The following PARVB variants were observed in gnomAD, a reference collection of about 807,000 sequenced individuals.
PARVB encodes beta-parvin.
A neutral mutation model predicts 47.0 loss-of-function variants in PARVB; 46 were observed. That is an observed-to-expected ratio of 0.98 (90% CI 0.77 to 1.25). PARVB has a LOEUF of 1.25. PARVB is among the 50% of genes most tolerant of loss of function. The pLI, the probability that PARVB is intolerant of heterozygous loss-of-function variation, is 0.00. For synonymous variants in PARVB, 196 were observed against 196.3 expected (o/e 1.00, Z 0.01); for missense variants, 473 against 471.6 (o/e 1.00, Z -0.03).
At chr22:44,117,779 G>A (rs763431093) in intron 3 of PARVB, among the ~76,000 whole-genome samples, 28 of 152,074 alleles carry the variant, frequency 1.8e-4, no homozygotes, top group Non-Finnish European at 3.4e-4. Context: ...GTTCATCTCT[G>A]AGAGGGGCCA....
At chr22:44,149,998 T>C (rs1474263541) in intron 9 of PARVB, 1 of 151,514 alleles carries the variant, frequency 6.6e-6, no homozygotes, top group Non-Finnish European at 1.5e-5. Flanking sequence ...TACTAAAAAA[T>C]ACAAAAAAAT....
chr22:44,017,095 G>A lies in PARVB; in HGVS notation c.211+17422G>A, dbSNP rs564967076. Among the ~76,000 whole-genome samples, 6 of 152,052 alleles carry A rather than the reference G, an allele frequency of 3.9e-5. No individual in the cohort carries two copies. The East Asian group carries it at 9.7e-4, about 25-fold the overall frequency. On this transcript the variant is annotated intron_variant, in intron 2 of 13. Coordinates refer to the PARVB transcript ENST00000406477. ...TCGCCCTGTTGGCCAGGCTGGTCTCGAACTCCTGACCTCTGGTGATCTGCC... is the reference window on the plus strand; with the variant it reads ...TCGCCCTGTTGGCCAGGCTGGTCTCAAACTCCTGACCTCTGGTGATCTGCC...
intron 1 of PARVB, among the ~76,000 whole-genome samples, chr22:44,046,041 T>C (rs897940418): frequency 1.3e-4 from 20 of 152,270 alleles, no homozygotes; most frequent in African/African-American, 4.1e-4. Context: ...TGCCAGTCCA[T>C]GAACATAGGA....
At chr22:44,055,676 CT>C (rs2051295481) in intron 1 of PARVB, among the ~76,000 whole-genome samples, 2 of 137,742 alleles carry the variant, frequency 1.5e-5, no homozygotes, top group South Asian at 4.6e-4. Flanking sequence ...CTCTCTCTCT[CT>C]CTATATATAT....
chr22:44,099,713 C>T (rs1350441227), intron 2 of PARVB, among the ~76,000 whole-genome samples: 3 of 152,214 alleles, frequency 2.0e-5, no homozygotes, highest in Non-Finnish European at 4.4e-5. Flanking sequence ...AGCTTTCCCA[C>T]ATACCAGATT....
chr22:44,140,682 T>G (rs1601668735), intron 8 of PARVB: 2 of 484,548 alleles, frequency 4.1e-6, no homozygotes, highest in South Asian at 3.0e-5. Context: ...GAAATGGGAG[T>G]GTAAAAGGCT....
At chr22:44,013,510 C>T (rs999467394) in intron 2 of PARVB, among the ~76,000 whole-genome samples, 4 of 152,232 alleles carry the variant, frequency 2.6e-5, no homozygotes, top group African/African-American at 9.6e-5. Flanking sequence ...CCGGCGAAGC[C>T]ACTATCAACA....
At chr22:44,136,662 T>A in intron 7 of PARVB, 144 bp downstream of exon 7, 1 of 696,068 alleles carries the variant, frequency 1.4e-6, no homozygotes, top group Non-Finnish European at 2.6e-6. Flanking sequence ...ATTCTCATGC[T>A]GGTTCCCACC....
In PARVB at chr22:44,125,401, C is replaced by A. The variant is rs1263921702; in HGVS notation, c.377-6086C>A. Among the ~76,000 whole-genome samples, 1 of 152,030 alleles carries A rather than the reference C, an allele frequency of 6.6e-6. No individual in the cohort carries two copies. ...TGGGGTGGAGTGGTTCAACCTGAAA[C>A]CTAGATGATGTTTTAAAGGAATGAC... On this transcript the variant is annotated intron_variant, in intron 4 of 12. Coordinates refer to ENST00000338758, the MANE Select transcript of PARVB (RefSeq NM_013327.5). This position sits in a 1 kb window ranked among gnomAD's most constrained non-coding sequence, Gnocchi z 4.1.
chr22:44,131,649 G>A (rs2053325073), intron 5 of PARVB, 22 bp downstream of exon 5: 1 of 1,596,574 alleles, frequency 6.3e-7, no homozygotes, highest in Middle Eastern at 1.9e-4. Flanking sequence ...GCCACAGGGG[G>A]AGGGACTGTC....
intron 3 of PARVB, among the ~76,000 whole-genome samples, chr22:44,102,100 G>A (rs2147072060): frequency 6.6e-6 from 1 of 152,330 alleles, no homozygotes; most frequent in African/African-American, 2.4e-5. Context: ...AAGCTGGAGG[G>A]CCAGTGGTAG....
At chr22:44,116,892 C>A (rs946480607) in intron 3 of PARVB, among the ~76,000 whole-genome samples, 1 of 151,934 alleles carries the variant, frequency 6.6e-6, no homozygotes, top group Non-Finnish European at 1.5e-5. Context: ...TTTGAAGAAC[C>A]CCAGCGAGGA....
At position 44,133,001 on chromosome 22, in the gene PARVB, G is replaced by C. The variant is rs1344752380; in HGVS notation, c.625G>C (p.Val209Leu). ...TGAGCATGTAACGGTGCAGGTGGTG[G>C]TCGTGCGGGTGAGTATAACCGAGTG... is the stretch of plus-strand genomic sequence containing the variant. The part of the protein sequence containing the change: ...LPEHVTVQVV[V>L]VRKREGLLHS... Residue 209 changes from valine to leucine, a missense_variant, in exon 6 of 13, where the codon GTC (valine) becomes CTC (leucine). Physicochemically the swap from Val to Leu is conservative, Grantham distance 32 (BLOSUM62 1). Transcript: ENST00000338758. The C allele has an allele frequency of 1.9e-6, 3 of 1,612,560 alleles. No individual in the cohort carries two copies. Among genetic ancestry groups the C allele is most frequent in the Non-Finnish European group, 2.5e-6 (3 of 1,178,960 alleles).
At chr22:44,014,191 G>A (rs755810249) in intron 2 of PARVB, among the ~76,000 whole-genome samples, 5 of 152,258 alleles carry the variant, frequency 3.3e-5, no homozygotes, top group Non-Finnish European at 5.9e-5. Context: ...ACTGGACTCA[G>A]GTCCCTCTTT....
chr22:44,096,129 T>G (rs62226439), intron 2 of PARVB, among the ~76,000 whole-genome samples: 15,800 of 152,080 alleles, frequency 0.1, 859 homozygotes, highest in Middle Eastern at 0.18. Flanking sequence ...GGAGGCTAAG[T>G]CAGGAGAATC....
intron 1 of PARVB, among the ~76,000 whole-genome samples, chr22:44,083,614 C>T (rs561984796): frequency 6.6e-6 from 1 of 152,146 alleles, no homozygotes; most frequent in East Asian, 1.9e-4. Context: ...AAGGGCATTG[C>T]AGGTTGTGGG....
At chr22:44,060,198 C>A (rs2051393738) in intron 1 of PARVB, among the ~76,000 whole-genome samples, 1 of 152,020 alleles carries the variant, frequency 6.6e-6, no homozygotes, top group Admixed American at 6.6e-5. Context: ...CACCTGTAAT[C>A]CCAGCTACTT....
chr22:44,023,984 G>C (rs550020739), upstream of PARVB, among the ~76,000 whole-genome samples: 1 of 152,342 alleles, frequency 6.6e-6, no homozygotes, highest in African/African-American at 2.4e-5. Context: ...CGGCTTTCAG[G>C]ACGTCCTGAG....
Position 44,090,658 on chromosome 22 carries a change from G to A in PARVB, c.113-3270G>A, listed in dbSNP as rs144524436. On this transcript the variant is annotated intron_variant, in intron 1 of 12. Coordinates refer to ENST00000338758, the MANE Select transcript of PARVB (RefSeq NM_013327.5). The stretch of plus-strand genomic sequence containing the variant: ...GCACATGGGTGCAGTGCCAGCTCTC[G>A]GGCCTTGCCAAGAGGACTCTCGGGC... 2.0e-3 allele frequency among the ~76,000 whole-genome samples: 304 copies of A among 152,330 alleles called. 3 individuals carry two copies. The highest frequency in any genetic ancestry group is 7.0e-3 in the African/African-American group (293 of 41,576).
Sources: gnomAD v4.1 joint callset for allele counts (sites outside exome capture counted in the v4.1 genomes callset) on GRCh38, gnomAD v4.1.1 for gene constraint, Gnocchi (gnomAD v3.1) non-coding constraint, MANE v1.5 for transcripts, NCBI Gene and HGNC (gene_info 2026-07-23, HGNC 2026-07-21) for gene names.